The following PPAT variants were observed in gnomAD, a reference collection of about 807,000 sequenced individuals.
The protein encoded by PPAT is phosphoribosyl pyrophosphate amidotransferase, also known as amidophosphoribosyltransferase.
PPAT carries 20 observed loss-of-function variants against 60.2 expected under a neutral mutation model. The observed-to-expected ratio is 0.33, with a 90% CI of 0.23 to 0.48. The LOEUF is 0.48. Among genes scored for constraint, PPAT ranks in the 20% least tolerant of loss-of-function variants. The probability of loss-of-function intolerance (pLI) is 0.99; values close to 1 mark genes in which losing one functional copy is unlikely to be tolerated. For missense variants in PPAT, 349 were observed against 629.6 expected, an observed-to-expected ratio of 0.55 and a Z score of 4.77; for synonymous variants, 194 against 215.1, an observed-to-expected ratio of 0.90 and a Z score of 0.86.
At chr4:56,406,390 G>A in intron 3 of PPAT, 105 bp downstream of exon 3, 1 of 1,170,452 alleles carries the variant, frequency 8.5e-7, no homozygotes, top group Non-Finnish European at 1.2e-6. Flanking sequence ...TAGGTAACAG[G>A]TAGCAACAAT....
intron 9 of PPAT, among the ~76,000 whole-genome samples, chr4:56,398,126 TGA>T (rs1479171420): frequency 5.3e-5 from 8 of 152,160 alleles, no homozygotes; most frequent in Non-Finnish European, 1.5e-5. Context: ...CCTAACACTT[TGA>T]GAGGCCGAGG....
Position 56,426,043 on chromosome 4 carries a change from G to A in PPAT, c.128+9307C>T, listed in dbSNP as rs118031666. Among the ~76,000 whole-genome samples the A allele has an allele frequency of 8.0e-4, 122 of 152,214 alleles. 2 individuals carry two copies. In the East Asian group the frequency reaches 0.022, roughly 27 times the overall value. ...CTAAAGCGTATAACTGTGGTTTTTA[G>A]TATATCCACAGTTATACAATAATCA... On this transcript the variant is annotated intron_variant, in intron 1 of 10. Coordinates refer to ENST00000264220, the MANE Select transcript of PPAT (RefSeq NM_002703.5).
intron 1 of PPAT, among the ~76,000 whole-genome samples, chr4:56,423,850 AC>A (rs1415240218): frequency 6.6e-6 from 1 of 152,202 alleles, no homozygotes; most frequent in African/African-American, 2.4e-5. Flanking sequence ...AAAAACTTAA[AC>A]AGGCAAGGAT....
Position 56,403,411 on chromosome 4 carries a change from A to G in PPAT, c.403-10T>C. ...TACCATGACGCAGAAGCTATATAGAAAAAAAGAGAAGTTTAATCATCAGAG... is the reference window on the plus strand; with the variant it reads ...TACCATGACGCAGAAGCTATATAGAGAAAAAGAGAAGTTTAATCATCAGAG... On this transcript the variant is annotated splice_polypyrimidine_tract_variant and intron_variant, in intron 3 of 10. Transcript: ENST00000264220. 1.9e-6 allele frequency: 3 copies of G among 1,585,388 alleles called. No homozygotes were observed. The South Asian group carries it at 3.3e-5, about 18-fold the overall frequency.
At chr4:56,408,001 G>A (rs932491619) in intron 1 of PPAT, 43 of 309,764 alleles carry the variant, frequency 1.4e-4, no homozygotes, top group Middle Eastern at 1.0e-3. Flanking sequence ...AAAAGCTATT[G>A]GAACCCCAAA....
intron 1 of PPAT, among the ~76,000 whole-genome samples, chr4:56,424,479 T>C (rs991880424): frequency 1.3e-5 from 2 of 152,318 alleles, no homozygotes; most frequent in East Asian, 1.9e-4. Flanking sequence ...CTAATGCCGA[T>C]AGATTATCAC....
Position 56,393,370 on chromosome 4 carries a change from T to C in PPAT, c.*1982A>G, listed in dbSNP as rs1281152180. On this transcript the variant is annotated 3_prime_UTR_variant, in exon 11 of 11. Transcript: ENST00000264220. Reference sequence around the variant, plus strand: ...AAAAAAGGACACACATATTTAAACATACTTATTACACATATTTATCAACAA... The same window carrying C: ...AAAAAAGGACACACATATTTAAACACACTTATTACACATATTTATCAACAA... 2.0e-5 allele frequency: 3 copies of C among 150,432 alleles called. No homozygotes were observed. Among genetic ancestry groups the C allele is most frequent in the Admixed American group, 6.6e-5 (1 of 15,074 alleles). 9.3% of individuals were successfully genotyped at this position (150,432 alleles called of 1,614,324 possible). A position where few individuals can be genotyped will look rare whatever the true frequency, so the allele number is the denominator to read the frequency against.
At chr4:56,411,466 G>A (rs1287067384) in intron 1 of PPAT, among the ~76,000 whole-genome samples, 3 of 152,170 alleles carry the variant, frequency 2.0e-5, no homozygotes, top group Non-Finnish European at 4.4e-5. Flanking sequence ...TGAAGATTTA[G>A]TACATGAAAT....
intron 1 of PPAT, chr4:56,410,967 T>C (rs1274322405): frequency 3.1e-6 from 3 of 953,216 alleles, no homozygotes; most frequent in African/African-American, 1.8e-5. Flanking sequence ...TACAGTTTTA[T>C]GAACTGTAAA....
intron 1 of PPAT, among the ~76,000 whole-genome samples, chr4:56,413,160 T>C (rs1246441699): frequency 6.6e-6 from 1 of 152,084 alleles, no homozygotes; most frequent in Non-Finnish European, 1.5e-5. Flanking sequence ...GGTTTTTGGT[T>C]TTGTTTTGTT....
chr4:56,398,969 G>C (rs1716049706), intron 9 of PPAT, among the ~76,000 whole-genome samples: 2 of 151,996 alleles, frequency 1.3e-5, no homozygotes, highest in African/African-American at 4.8e-5. Context: ...TTTATATTGA[G>C]CTTTTTTAAT....
intron 1 of PPAT, among the ~76,000 whole-genome samples, chr4:56,432,489 C>G (rs1357305032): frequency 3.4e-5 from 5 of 148,954 alleles, no homozygotes; most frequent in Non-Finnish European, 7.4e-5. Flanking sequence ...TCATACCACT[C>G]CACTCCAGCC....
chr4:56,394,124 GGTCAA>G lies in PPAT; in HGVS notation c.*1223_*1227del, dbSNP rs1715903705. On this transcript the variant is annotated 3_prime_UTR_variant, in exon 11 of 11. Transcript: ENST00000264220. Reference sequence around the variant, plus strand: ...AATTCTTACATAAACAAAGGTTTGGGGTCAAGTCATCTTAAACTTCTAATCTCAGA... The same window carrying G: ...AATTCTTACATAAACAAAGGTTTGGGGTCATCTTAAACTTCTAATCTCAGA... 1 of 151,768 alleles carries G rather than the reference GGTCAA, an allele frequency of 6.6e-6. No homozygotes were observed. Among genetic ancestry groups the G allele is most frequent in the Admixed American group, 6.6e-5 (1 of 15,242 alleles). The allele number at this position is 151,768 out of a possible 1,614,324, so 9.4% of individuals were successfully genotyped here.
intron 3 of PPAT, chr4:56,403,939 C>T (rs746301168): frequency 1.6e-5 from 6 of 377,326 alleles, no homozygotes; most frequent in South Asian, 8.0e-5. Flanking sequence ...TAATAGTGAG[C>T]GATGGGGAGC....
chr4:56,428,259 A>C (rs1209223684), intron 1 of PPAT, among the ~76,000 whole-genome samples: 1 of 152,194 alleles, frequency 6.6e-6, no homozygotes, highest in East Asian at 1.9e-4. Flanking sequence ...ATCCTTTAGA[A>C]GATGCTAAAA....
intron 1 of PPAT, among the ~76,000 whole-genome samples, chr4:56,426,897 C>T (rs1162655123): frequency 6.6e-6 from 1 of 152,172 alleles, no homozygotes; most frequent in Non-Finnish European, 1.5e-5. Flanking sequence ...ACAATAACTC[C>T]TCCATCCCAA....
chr4:56,401,330 C>G lies in PPAT; in HGVS notation c.886G>C (p.Asp296His). The G allele has an allele frequency of 6.3e-7, 1 of 1,575,444 alleles. No individual in the cohort carries two copies. Among genetic ancestry groups the G allele is most frequent in the Non-Finnish European group, 8.6e-7 (1 of 1,163,204 alleles). ...GTTCAAAGAAAAGAAATCTACTTAC[C>G]TTCGAACATACTGTCTGGTCTTGCA... ...YFARPDSMFE[D>H]QMVYTVRYRC... The change falls in exon 7 of 11, where the codon GAC (aspartate) becomes CAC (histidine). Residue 296 changes from aspartate (D) to histidine (H), a missense_variant and splice_region_variant. Coordinates refer to ENST00000264220, the MANE Select transcript of PPAT (RefSeq NM_002703.5).
chr4:56,425,267 C>T (rs1717229412), intron 1 of PPAT: 1 of 155,038 alleles, frequency 6.5e-6, no homozygotes, highest in Middle Eastern at 3.1e-3. Context: ...GTATATTTTA[C>T]ATGCATTATA....
intron 1 of PPAT, among the ~76,000 whole-genome samples, chr4:56,423,820 A>G (rs1289733462): frequency 1.3e-5 from 2 of 152,214 alleles, no homozygotes; most frequent in South Asian, 2.1e-4. Context: ...CAAGGATCTC[A>G]GCAGCTAAAT....
Sources: allele counts gnomAD v4.1 joint callset (sites outside exome capture counted in the v4.1 genomes callset), GRCh38; gene constraint gnomAD v4.1.1; transcripts MANE v1.5; gene names NCBI Gene and HGNC (gene_info 2026-07-23, HGNC 2026-07-21).